The following CDH19 variants were observed in gnomAD, a reference collection of about 807,000 sequenced individuals.
The protein encoded by CDH19 is cadherin-19.
CDH19 carries 67 observed loss-of-function variants against 64.2 expected under a neutral mutation model. The ratio of observed to expected loss-of-function variants is 1.04; its 90% confidence interval spans 0.86 to 1.28. CDH19 has a LOEUF of 1.28. CDH19 is among the 50% of genes most tolerant of loss of function. The pLI is 0.00. For missense variants in CDH19, 1,030 were observed against 929.0 expected (o/e 1.11, Z -1.41); for synonymous variants, 346 against 319.3 (o/e 1.08, Z -0.89).
intron 6 of CDH19, 31 bp from the exon 7 acceptor site, chr18:66,544,255 A>T: frequency 1.3e-6 from 2 of 1,586,576 alleles, no homozygotes; most frequent in East Asian, 2.2e-5. Context: ...CACAAAAGAA[A>T]TGGCTTTAGT....
intron 1 of CDH19, among the ~76,000 whole-genome samples, chr18:66,587,924 T>C (rs1048027033): frequency 6.6e-6 from 1 of 152,194 alleles, no homozygotes; most frequent in Non-Finnish European, 1.5e-5. Flanking sequence ...CATAATTCAA[T>C]GGTACAGTAA....
intron 1 of CDH19, among the ~76,000 whole-genome samples, chr18:66,585,442 T>C (rs1031528799): frequency 2.0e-5 from 3 of 151,992 alleles, no homozygotes; most frequent in Non-Finnish European, 4.4e-5. Context: ...GCTAGTTCCA[T>C]CACCTTGGAC....
intron 10 of CDH19, among the ~76,000 whole-genome samples, chr18:66,510,607 TAATAATAA>T (rs1480969009): frequency 1.4e-5 from 2 of 146,624 alleles, no homozygotes; most frequent in Non-Finnish European, 3.0e-5. Context: ...ATAATAATAA[TAATAATAA>T]TAATAATAAT....
At chr18:66,587,774 C>T (rs1423519709) in intron 1 of CDH19, among the ~76,000 whole-genome samples, 1 of 152,072 alleles carries the variant, frequency 6.6e-6, no homozygotes, top group Non-Finnish European at 1.5e-5. Flanking sequence ...CCACTAACTT[C>T]CACCTGATGT....
rs1984974392 is a variant in CDH19 at position 66,502,192 on chromosome 18, T to G, written c.*2620A>C. On this transcript the variant is annotated 3_prime_UTR_variant, in exon 12 of 12. Transcript: ENST00000262150. ...ATACAAAGTATAATTCCTAGGAAGT[T>G]GCACCTTCTGTATTAGAATCAGATA... 6.6e-6 allele frequency: 1 copy of G among 152,094 alleles called. No individual in the cohort carries two copies. The highest frequency in any genetic ancestry group is 2.1e-4 in the South Asian group (1 of 4,834). The allele number at this position is 152,094 out of a possible 1,614,324, so 9.4% of individuals were successfully genotyped here.
chr18:66,554,514 A>G lies in CDH19; in HGVS notation c.501T>C (p.Val167=), dbSNP rs111743500. Residue 167 remains valine, a synonymous_variant, in exon 4 of 12, where the codon GTT becomes GTC. Coordinates refer to ENST00000262150, the MANE Select transcript of CDH19 (RefSeq NM_021153.4). ...VPEMSPEGTL[V]IQVTASDADD... ...CAGCATCACTTGCTGTCACCTGGAT[A>G]ACTAATGTTCCTAAAGAGAACATAA... 1.8e-3 allele frequency: 2,856 copies of G among 1,610,994 alleles called. 28 individuals are homozygous for G. The African/African-American group carries it at 0.027, about 15-fold the overall frequency.
chr18:66,523,052 A>G (rs1986062947), intron 9 of CDH19, among the ~76,000 whole-genome samples: 2 of 152,204 alleles, frequency 1.3e-5, no homozygotes, highest in East Asian at 1.9e-4. Context: ...CTTTATCATT[A>G]TCAAAAATGA....
rs535129389 is a variant in CDH19, at chr18:66,573,760, G to A, written c.-112-1444C>T. ...TACATATAAAGATAAATAAAATAGT[G>A]TAATGAACACCTGGATATCATTACC... On this transcript the variant is annotated intron_variant, in intron 1 of 11. Coordinates refer to ENST00000262150, the MANE Select transcript of CDH19 (RefSeq NM_021153.4). 2.6e-5 allele frequency among the ~76,000 whole-genome samples: 4 copies of A among 151,548 alleles called. No homozygotes were observed. In the Admixed American group the frequency reaches 2.6e-4, roughly 10 times the overall value.
intron 1 of CDH19, among the ~76,000 whole-genome samples, chr18:66,592,670 A>C (rs528694828): frequency 3.9e-5 from 6 of 151,976 alleles, no homozygotes; most frequent in East Asian, 1.9e-4. Flanking sequence ...ATTTCACTTA[A>C]AGTAATGCAG....
At chr18:66,521,113 T>C (rs1985963037) in intron 9 of CDH19, among the ~76,000 whole-genome samples, 1 of 152,128 alleles carries the variant, frequency 6.6e-6, no homozygotes, top group South Asian at 2.1e-4. Context: ...ATCAAACCAA[T>C]CTATGAATCA....
chr18:66,537,949 G>A (rs1453407367), intron 7 of CDH19, among the ~76,000 whole-genome samples: 4 of 152,006 alleles, frequency 2.6e-5, no homozygotes, highest in Non-Finnish European at 1.5e-5. Context: ...TCATACCTCA[G>A]ATTTCAATCC....
intron 1 of CDH19, among the ~76,000 whole-genome samples, chr18:66,602,825 T>C (rs1472067171): frequency 6.6e-6 from 1 of 151,782 alleles, no homozygotes; most frequent in African/African-American, 2.4e-5. Flanking sequence ...AAATAAATTG[T>C]TAGTTATTTT....
chr18:66,596,805 G>A (rs988727947), intron 1 of CDH19, among the ~76,000 whole-genome samples: 64 of 151,850 alleles, frequency 4.2e-4, no homozygotes, highest in Admixed American at 1.1e-3. Context: ...ATACTAGGCC[G>A]GGCGCGGTGG....
intron 10 of CDH19, among the ~76,000 whole-genome samples, 159 bp downstream of exon 10, chr18:66,511,409 A>T (rs1290229635): frequency 6.6e-6 from 1 of 151,722 alleles, no homozygotes; most frequent in African/African-American, 2.4e-5. Flanking sequence ...AGAACTTAAC[A>T]TTGAGTTTTG....
intron 3 of CDH19, among the ~76,000 whole-genome samples, chr18:66,555,673 G>T (rs1484855366): frequency 6.6e-6 from 1 of 151,540 alleles, no homozygotes; most frequent in African/African-American, 2.4e-5. Flanking sequence ...ACCACTCAAT[G>T]TGTAGACACT....
At chr18:66,598,443 G>C (rs1305483007) in intron 1 of CDH19, among the ~76,000 whole-genome samples, 1 of 152,064 alleles carries the variant, frequency 6.6e-6, no homozygotes, top group African/African-American at 2.4e-5. Flanking sequence ...CAACCTGGAT[G>C]CTCATCAACA....
In CDH19 at chr18:66,505,060, CG is replaced by C; in HGVS notation, c.2070del (p.Asp691ThrfsTer39). The C allele has an allele frequency of 1.2e-6, 2 of 1,613,682 alleles. No individual in the cohort carries two copies. The highest frequency in any genetic ancestry group is 1.7e-6 in the Non-Finnish European group (2 of 1,179,770). On this transcript the variant is annotated frameshift_variant, in exon 12 of 12. Transcript: ENST00000262150. LOFTEE classifies it low-confidence loss of function (END_TRUNC). ...SLYRQSLQVG[P>X]DSAIFRKFIL... is the part of the protein sequence containing the mutation. Reference sequence around the variant, plus strand: ...ATGAATTTCCTGAATATGGCACTGTCGGGGCCAACTTGCAAAGACTGCCTGT... The same window carrying C: ...ATGAATTTCCTGAATATGGCACTGTCGGGCCAACTTGCAAAGACTGCCTGT...
At chr18:66,533,340 T>G (rs1448244900) in intron 8 of CDH19, among the ~76,000 whole-genome samples, 1 of 151,948 alleles carries the variant, frequency 6.6e-6, no homozygotes, top group Non-Finnish European at 1.5e-5. Flanking sequence ...AATGGAACAT[T>G]TAAAAATGAA....
At chr18:66,594,236 C>G (rs1359462228) in intron 1 of CDH19, among the ~76,000 whole-genome samples, 4 of 152,008 alleles carry the variant, frequency 2.6e-5, no homozygotes, top group Non-Finnish European at 4.4e-5. Flanking sequence ...TATATGCACC[C>G]AACACTGGAG....
Sources: gnomAD v4.1 joint callset for allele counts (sites outside exome capture counted in the v4.1 genomes callset) on GRCh38, gnomAD v4.1.1 for gene constraint, MANE v1.5 for transcripts, NCBI Gene and HGNC (gene_info 2026-07-23, HGNC 2026-07-21) for gene names.